ZSCAN5A: variants seen among roughly 807,000 people sequenced by gnomAD.
ZSCAN5A encodes zinc finger and SCAN domain containing 5A, also known as zinc finger and SCAN domain-containing protein 5A.
ZSCAN5A carries 12 observed loss-of-function variants against 23.7 expected under a neutral mutation model. The observed-to-expected ratio is 0.51, with a 90% CI of 0.32 to 0.82. The LOEUF (loss-of-function observed/expected upper bound fraction) is 0.82, where lower values mean the gene tolerates loss of function less well. Among genes scored for constraint, ZSCAN5A ranks in the 40% least tolerant of loss-of-function variants. The pLI, the probability that ZSCAN5A is intolerant of heterozygous loss-of-function variation, is 0.03. For missense variants in ZSCAN5A, 597 were observed against 617.9 expected (o/e 0.97, Z 0.36); for synonymous variants, 257 against 239.9 (o/e 1.07, Z -0.66).
At chr19:56,321,347 C>A in intron 2 of ZSCAN5A, 1 of 642,618 alleles carries the variant, frequency 1.6e-6, no homozygotes. Flanking sequence ...CTGTAATAAC[C>A]AGGCATCACA....
At chr19:56,236,744 C>T (rs1290386376) in intron 2 of ZSCAN5A, among the ~76,000 whole-genome samples, 1 of 124,190 alleles carries the variant, frequency 8.1e-6, no homozygotes, top group Non-Finnish European at 1.7e-5. Context: ...TCTGATTGAC[C>T]GTGGGCCAAG....
At chr19:56,253,295 G>C (rs1410766490) in intron 2 of ZSCAN5A, among the ~76,000 whole-genome samples, 1 of 151,084 alleles carries the variant, frequency 6.6e-6, no homozygotes, top group African/African-American at 2.4e-5. Context: ...AAGTCCTCTG[G>C]ATGGTCAGAA....
chr19:56,272,841 A>C (rs1446381933), intron 2 of ZSCAN5A: 1 of 984,924 alleles, frequency 1.0e-6, no homozygotes, highest in African/African-American at 1.7e-5. Context: ...CATCATGCAC[A>C]GATCAGAGCC....
chr19:56,353,677 A>G (rs12104157), intron 2 of ZSCAN5A, among the ~76,000 whole-genome samples: 4,307 of 152,012 alleles, frequency 0.028, 164 homozygotes, highest in African/African-American at 0.087. Flanking sequence ...AGCTACTCGG[A>G]AGGCTGAGGC....
chr19:56,269,784 A>G (rs755064710), intron 2 of ZSCAN5A, among the ~76,000 whole-genome samples: 6 of 152,212 alleles, frequency 3.9e-5, no homozygotes, highest in Non-Finnish European at 8.8e-5. Flanking sequence ...CAGCCTGTAG[A>G]AGCTGCAGAA....
intron 2 of ZSCAN5A, among the ~76,000 whole-genome samples, chr19:56,253,791 C>A (rs931272669): frequency 6.6e-6 from 1 of 152,126 alleles, no homozygotes; most frequent in Non-Finnish European, 1.5e-5. Context: ...AGTGTCTCTT[C>A]GTCAATTCAG....
intron 2 of ZSCAN5A, among the ~76,000 whole-genome samples, chr19:56,240,476 C>G (rs2035344991): frequency 6.6e-6 from 1 of 152,072 alleles, no homozygotes; most frequent in African/African-American, 2.4e-5. Context: ...CAGTTCAGCT[C>G]CAGGCCAGTT....
intron 2 of ZSCAN5A, chr19:56,343,439 G>GT (rs1340264294): frequency 4.4e-5 from 22 of 497,630 alleles, no homozygotes; most frequent in Admixed American, 1.6e-4. Flanking sequence ...AAATCAAAAT[G>GT]TAAGTTTCTT....
intron 2 of ZSCAN5A, among the ~76,000 whole-genome samples, chr19:56,292,397 G>C (rs2039569442): frequency 6.6e-6 from 1 of 151,390 alleles, no homozygotes; most frequent in South Asian, 2.1e-4. Context: ...TGAGGAACTG[G>C]GACTACAGGT....
intron 2 of ZSCAN5A, among the ~76,000 whole-genome samples, chr19:56,253,456 T>G (rs2036492893): frequency 6.6e-6 from 1 of 152,020 alleles, no homozygotes; most frequent in Non-Finnish European, 1.5e-5. Flanking sequence ...TCATAGAACT[T>G]GTAAAAGAAT....
At chr19:56,227,846 G>A (rs12462210) in intron 2 of ZSCAN5A, among the ~76,000 whole-genome samples, 2 of 151,804 alleles carry the variant, frequency 1.3e-5, no homozygotes, top group Admixed American at 1.3e-4. Context: ...TAGAGCCCAG[G>A]AGTTCAGGAC....
rs2033338776 is a variant in ZSCAN5A, at chr19:56,222,346, A to G, written c.740-20T>C. 2.5e-6 allele frequency: 4 copies of G among 1,607,386 alleles called. No individual in the cohort carries two copies. Among genetic ancestry groups the G allele is most frequent in the Non-Finnish European group, 3.4e-6 (4 of 1,178,572 alleles). On this transcript the variant is annotated intron_variant, in intron 5 of 5. Transcript: ENST00000683990. ...GATCTGCTGGAAGAAGGGATTCCACACACACAGTTAATAAAGCGCATTTTC... is the reference window on the plus strand; with the variant it reads ...GATCTGCTGGAAGAAGGGATTCCACGCACACAGTTAATAAAGCGCATTTTC...
intron 2 of ZSCAN5A, among the ~76,000 whole-genome samples, chr19:56,359,172 T>C (rs181979591): frequency 1.7e-4 from 25 of 146,874 alleles, no homozygotes; most frequent in African/African-American, 6.0e-4. Flanking sequence ...ATAAAATAGA[T>C]AGACCATTAG....
At chr19:56,264,642 T>C (rs772410546) in intron 2 of ZSCAN5A, among the ~76,000 whole-genome samples, 3 of 152,366 alleles carry the variant, frequency 2.0e-5, no homozygotes, top group Non-Finnish European at 2.9e-5. Flanking sequence ...TAAAGTTCTA[T>C]TGGAACATAG....
chr19:56,250,916 C>A (rs2036290493), intron 2 of ZSCAN5A, among the ~76,000 whole-genome samples: 1 of 152,072 alleles, frequency 6.6e-6, no homozygotes. Flanking sequence ...TTTGGGAGGC[C>A]AAGGCAGGCA....
chr19:56,273,027 C>A, intron 2 of ZSCAN5A: 1 of 297,106 alleles, frequency 3.4e-6, no homozygotes, highest in Non-Finnish European at 5.0e-6. Flanking sequence ...CAGACTTCTT[C>A]TTGCTTCCCA....
At chr19:56,301,477 C>T (rs181326680) in intron 2 of ZSCAN5A, among the ~76,000 whole-genome samples, 181 of 152,246 alleles carry the variant, frequency 1.2e-3, no homozygotes, top group Middle Eastern at 3.4e-3. Flanking sequence ...TCACTTGAAT[C>T]GCTATCTTGG....
At chr19:56,285,473 T>C (rs891966202) in intron 2 of ZSCAN5A, among the ~76,000 whole-genome samples, 2 of 152,234 alleles carry the variant, frequency 1.3e-5, no homozygotes, top group Non-Finnish European at 2.9e-5. Flanking sequence ...CTCTTTCAAA[T>C]ACCTGAGAAA....
intron 2 of ZSCAN5A, among the ~76,000 whole-genome samples, chr19:56,308,270 G>A (rs1317297866): frequency 6.6e-6 from 1 of 151,848 alleles, no homozygotes; most frequent in Non-Finnish European, 1.5e-5. Context: ...TTGACCTTGT[G>A]ATCCGCCCGC....
Sources: gnomAD v4.1 joint callset for allele counts (sites outside exome capture counted in the v4.1 genomes callset) on GRCh38, gnomAD v4.1.1 for gene constraint, MANE v1.5 for transcripts, NCBI Gene and HGNC (gene_info 2026-07-23, HGNC 2026-07-21) for gene names.